Variants in KDM1B observed in about 807,000 individuals in gnomAD.
The protein encoded by KDM1B is lysine demethylase 1B.
KDM1B carries 63 observed loss-of-function variants against 107.4 expected under a neutral mutation model. The observed-to-expected ratio is 0.59, with a 90% CI of 0.48 to 0.72. The LOEUF is 0.72. Ranked by LOEUF, KDM1B falls within the 30% of genes least tolerant of loss-of-function variation. KDM1B has a pLI of 0.00. For missense variants in KDM1B, 749 were observed against 1,020.8 expected (o/e 0.73, Z 3.63); for synonymous variants, 363 against 363.9 (o/e 1.00, Z 0.03).
At chr6:18,168,464 A>T (rs1785458272) in intron 6 of KDM1B, among the ~76,000 whole-genome samples, 1 of 152,230 alleles carries the variant, frequency 6.6e-6, no homozygotes, top group East Asian at 1.9e-4. Flanking sequence ...TGGGTGAATA[A>T]TACTCCATTG....
At chr6:18,166,938 C>A (rs1785337305) in intron 6 of KDM1B, among the ~76,000 whole-genome samples, 3 of 151,996 alleles carry the variant, frequency 2.0e-5, no homozygotes, top group African/African-American at 7.2e-5. Flanking sequence ...TGGTACATAG[C>A]TTTTTGATCC....
At chr6:18,217,537 C>T (rs558818198) in intron 20 of KDM1B, among the ~76,000 whole-genome samples, 196 bp from the exon 21 acceptor site, 2 of 152,072 alleles carry the variant, frequency 1.3e-5, no homozygotes, top group East Asian at 3.9e-4. Context: ...TGCCATCATG[C>T]CTGGCTAATT....
In KDM1B at chr6:18,222,141, T is replaced by C; in HGVS notation, c.*149T>C. 1.3e-6 allele frequency: 1 copy of C among 766,692 alleles called. No individual in the cohort carries two copies. Among genetic ancestry groups the C allele is most frequent in the Non-Finnish European group, 2.3e-6 (1 of 433,036 alleles). 47.5% of individuals were successfully genotyped at this position (766,692 alleles called of 1,614,324 possible). Reference sequence around the variant, plus strand: ...GGCGATATGATAATGCAAACCTATTTCATCACTCTAAAAGCACTGACCTCA... The same window carrying C: ...GGCGATATGATAATGCAAACCTATTCCATCACTCTAAAAGCACTGACCTCA... On this transcript the variant is annotated 3_prime_UTR_variant, in exon 22 of 22. Coordinates refer to ENST00000650836, the MANE Select transcript of KDM1B (RefSeq NM_001364614.2).
In KDM1B at chr6:18,222,408, C is replaced by A; in HGVS notation, c.*416C>A. On this transcript the variant is annotated 3_prime_UTR_variant, in exon 22 of 22. Coordinates refer to ENST00000650836, the MANE Select transcript of KDM1B (RefSeq NM_001364614.2). ...AACCAGATAAAGCCATGTTTTTCTT[C>A]TGTGACAATTTATCAGTATCTTTAC... 1 of 305,566 alleles carries A rather than the reference C, an allele frequency of 3.3e-6. No homozygotes were observed. Among genetic ancestry groups the A allele is most frequent in the South Asian group, 2.9e-5 (1 of 34,496 alleles). 18.9% of individuals were successfully genotyped at this position (305,566 alleles called of 1,614,324 possible).
chr6:18,185,889 C>A, intron 8 of KDM1B, 79 bp downstream of exon 8: 1 of 1,301,374 alleles, frequency 7.7e-7, no homozygotes, highest in Non-Finnish European at 1.1e-6. Flanking sequence ...ATAGTAACAG[C>A]TTCATGAATT....
rs78333238 is a variant in KDM1B at position 18,166,663 on chromosome 6, A to G, written c.417+285A>G. 9.9e-3 allele frequency among the ~76,000 whole-genome samples: 1,512 copies of G among 152,094 alleles called. 30 individuals carry two copies. The highest frequency in any genetic ancestry group is 0.035 in the African/African-American group (1,449 of 41,492). ...CCTGGGCAAAGTGAGACCCTATCTC[A>G]TAGTAAGACCCCATCTTTACAAAAA... On this transcript the variant is annotated intron_variant, in intron 6 of 21. Coordinates refer to ENST00000650836, the MANE Select transcript of KDM1B (RefSeq NM_001364614.2).
intron 21 of KDM1B, among the ~76,000 whole-genome samples, chr6:18,220,450 G>C (rs1222692351): frequency 2.0e-5 from 3 of 152,174 alleles, no homozygotes; most frequent in Non-Finnish European, 4.4e-5. Flanking sequence ...TCAGGAGGCT[G>C]AGGTAGAATC....
chr6:18,207,674 G>A, intron 16 of KDM1B, 145 bp downstream of exon 16: 2 of 918,846 alleles, frequency 2.2e-6, no homozygotes, highest in South Asian at 3.2e-5. Flanking sequence ...TTCGTAGCCT[G>A]TGTAGCATTA....
intron 7 of KDM1B, among the ~76,000 whole-genome samples, chr6:18,178,497 ATTC>A (rs910548025): frequency 2.5e-4 from 38 of 152,122 alleles, no homozygotes; most frequent in African/African-American, 7.5e-4. Context: ...GGTTCAAGCA[ATTC>A]TTCTGCCTCA....
rs771682921 is a variant in KDM1B, at chr6:18,197,644, C to T, written c.1204C>T (p.His402Tyr). 10 of 1,613,590 alleles carry T rather than the reference C, an allele frequency of 6.2e-6. No homozygotes were observed. Among genetic ancestry groups the T allele is most frequent in the Non-Finnish European group, 8.5e-6 (10 of 1,179,690 alleles). ...AGGATTAGCAGCTGCTAGGCAACTGCATAACTTTGGAATTAAGGTAGGATT... is the reference window on the plus strand; with the variant it reads ...AGGATTAGCAGCTGCTAGGCAACTGTATAACTTTGGAATTAAGGTAGGATT... The part of the protein sequence containing the change: ...PAGLAAARQL[H>Y]NFGIKVTVLE... The change falls in exon 12 of 22, where the codon CAT becomes TAT. Residue 402 changes from histidine (H) to tyrosine (Y), a missense_variant. Transcript: ENST00000650836. This position sits in a 1 kb window ranked among gnomAD's most constrained non-coding sequence, Gnocchi z 4.5.
Position 18,222,984 on chromosome 6 carries a change from A to G in KDM1B, c.*992A>G, listed in dbSNP as rs913715254. 2.0e-5 allele frequency: 3 copies of G among 152,738 alleles called. 1 individual carries two copies. The South Asian group carries it at 6.2e-4, about 32-fold the overall frequency. The allele number at this position is 152,738 out of a possible 1,614,324, so 9.5% of individuals were successfully genotyped here. A position where few individuals can be genotyped will look rare whatever the true frequency, so the allele number is the denominator to read the frequency against. On this transcript the variant is annotated 3_prime_UTR_variant, in exon 22 of 22. Coordinates refer to ENST00000650836, the MANE Select transcript of KDM1B (RefSeq NM_001364614.2). ...GTAAATAGTATACATTTTATAAGCT[A>G]TATTTTAAAGGCCTAAGAACATGGC...
chr6:18,166,995 TTATATA>T (rs1214969997), intron 6 of KDM1B, among the ~76,000 whole-genome samples: 7 of 152,186 alleles, frequency 4.6e-5, no homozygotes, highest in African/African-American at 1.4e-4. Context: ...ATTTCATGCT[TTATATA>T]CATATACTGA....
chr6:18,199,028 A>AAAAAAG lies in KDM1B; in HGVS notation c.1221+1373_1221+1378dup, dbSNP rs1561940272. Reference sequence around the variant, plus strand: ...TACCAGAAAAAAAAAAAAAAAAAAAAAAAAAGAAAAAAACAGAAAATTAGC... The same window carrying AAAAAAG: ...TACCAGAAAAAAAAAAAAAAAAAAAAAAAAAGAAAAAGAAAAAAACAGAAAATTAGC... On this transcript the variant is annotated intron_variant, in intron 12 of 21. Coordinates refer to ENST00000650836, the MANE Select transcript of KDM1B (RefSeq NM_001364614.2). Among the ~76,000 whole-genome samples, 446 of 138,574 alleles carry AAAAAAG rather than the reference A, an allele frequency of 3.2e-3. 3 individuals carry two copies. The highest frequency in any genetic ancestry group is 5.3e-3 in the African/African-American group (183 of 34,500). The allele number at this position is 138,574 out of a possible 152,430, so 90.9% of individuals were successfully genotyped here. A position where few individuals can be genotyped will look rare whatever the true frequency, so the allele number is the denominator to read the frequency against.
Position 18,204,651 on chromosome 6 carries a change from G to A in KDM1B, c.1532-886G>A, listed in dbSNP as rs214606. Reference sequence around the variant, plus strand: ...CCAGCCCTGCTATAAAGGAATGTAAGACAAAAATGATATCACAGGGCTGTG... The same window carrying A: ...CCAGCCCTGCTATAAAGGAATGTAAAACAAAAATGATATCACAGGGCTGTG... On this transcript the variant is annotated intron_variant, in intron 14 of 21. Coordinates refer to ENST00000650836, the MANE Select transcript of KDM1B (RefSeq NM_001364614.2). The surrounding 1 kb of genome is among the most constrained non-coding windows in gnomAD (Gnocchi z 4.9). 0.092 allele frequency among the ~76,000 whole-genome samples: 14,032 copies of A among 152,244 alleles called. 743 individuals carry two copies. The highest frequency in any genetic ancestry group is 0.22 in the South Asian group (1,065 of 4,824).
rs1231970367 is a variant in KDM1B at position 18,201,988 on chromosome 6, C to A, written c.1531+331C>A. Among the ~76,000 whole-genome samples the A allele has an allele frequency of 6.6e-6, 1 of 152,150 alleles. No homozygotes were observed. Among genetic ancestry groups the A allele is most frequent in the East Asian group, 1.9e-4 (1 of 5,200 alleles). On this transcript the variant is annotated intron_variant, in intron 14 of 21. Coordinates refer to ENST00000650836, the MANE Select transcript of KDM1B (RefSeq NM_001364614.2). This position sits in a 1 kb window ranked among gnomAD's most constrained non-coding sequence, Gnocchi z 4.3. Reference sequence around the variant, plus strand: ...ATGTGGTAAGCCCTGTGTGATAAATCATCACCCTGTAATGTCTTTTCTAGG... The same window carrying A: ...ATGTGGTAAGCCCTGTGTGATAAATAATCACCCTGTAATGTCTTTTCTAGG...
Position 18,214,186 on chromosome 6 carries a change from G to A in KDM1B, c.2109+405G>A, listed in dbSNP as rs1789053963. Among the ~76,000 whole-genome samples the A allele has an allele frequency of 6.6e-6, 1 of 152,120 alleles. No homozygotes were observed. Among genetic ancestry groups the A allele is most frequent in the Non-Finnish European group, 1.5e-5 (1 of 68,022 alleles). Reference sequence around the variant, plus strand: ...GAGTGTCAGCAGATGTGAGAGCTGAGGGAAGGAAGGAGAGAGGAGAATGGC... The same window carrying A: ...GAGTGTCAGCAGATGTGAGAGCTGAAGGAAGGAAGGAGAGAGGAGAATGGC... On this transcript the variant is annotated intron_variant, in intron 19 of 21. Transcript: ENST00000650836. The surrounding 1 kb of genome is among the most constrained non-coding windows in gnomAD (Gnocchi z 4.4).
At chr6:18,183,748 A>AT (rs1259273293) in intron 7 of KDM1B, among the ~76,000 whole-genome samples, 1 of 152,128 alleles carries the variant, frequency 6.6e-6, no homozygotes, top group East Asian at 1.9e-4. Context: ...ATGTTGATGC[A>AT]TCTAAGACTT....
Position 18,213,690 on chromosome 6 carries a change from G to A in KDM1B, c.2018G>A (p.Ser673Asn). The change falls in exon 19 of 22, where the codon AGT (serine) becomes AAT (asparagine). Residue 673 changes from serine to asparagine, a missense_variant. By Grantham distance (46) the Ser-to-Asn change is conservative. Coordinates refer to ENST00000650836, the MANE Select transcript of KDM1B (RefSeq NM_001364614.2). The surrounding 1 kb of genome is among the most constrained non-coding windows in gnomAD (Gnocchi z 5.9). ...ALQFPYRFWDSKVQGADFFGH... is the reference protein window; with the variant it reads ...ALQFPYRFWDNKVQGADFFGH... ...CAATTTCCGTATAGATTTTGGGACA[G>A]TAAAGTACAAGGGGCTGACTTTTTT... The A allele has an allele frequency of 6.2e-7, 1 of 1,614,164 alleles. No individual in the cohort carries two copies. Among genetic ancestry groups the A allele is most frequent in the South Asian group, 1.1e-5 (1 of 91,082 alleles).
intron 5 of KDM1B, among the ~76,000 whole-genome samples, chr6:18,165,851 T>A (rs1395875336): frequency 1.3e-5 from 2 of 151,854 alleles, no homozygotes; most frequent in Non-Finnish European, 2.9e-5. Flanking sequence ...AATAAAAAAA[T>A]AAAAATATTC....
Sources: gnomAD v4.1 joint callset for allele counts (sites outside exome capture counted in the v4.1 genomes callset) on GRCh38, gnomAD v4.1.1 for gene constraint, Gnocchi (gnomAD v3.1) non-coding constraint, MANE v1.5 for transcripts, NCBI Gene and HGNC (gene_info 2026-07-23, HGNC 2026-07-21) for gene names.